The following CCDC171 variants were observed in gnomAD, a reference collection of about 807,000 sequenced individuals.
CCDC171 encodes the protein coiled-coil domain containing 171, also known as coiled-coil domain-containing protein 171.
Under a neutral mutation model 168.2 loss-of-function variants are expected in CCDC171, and 177 were observed. The observed-to-expected ratio is 1.05, with a 90% CI of 0.93 to 1.19. CCDC171 has a LOEUF of 1.19. CCDC171 is among the 50% of genes most tolerant of loss of function. CCDC171 has a pLI of 0.00. For synonymous variants in CCDC171, 687 were observed against 540.8 expected, an observed-to-expected ratio of 1.27 and a Z score of -3.75; for missense variants, 1,991 against 1,539.0, an observed-to-expected ratio of 1.29 and a Z score of -4.91.
chr9:15,581,064 A>G (rs900198558), intron 4 of CCDC171, among the ~76,000 whole-genome samples: 2 of 152,254 alleles, frequency 1.3e-5, no homozygotes, highest in African/African-American at 4.8e-5. Flanking sequence ...CCTTAAGCTG[A>G]TAAGCAACTT....
intron 25 of CCDC171, among the ~76,000 whole-genome samples, chr9:15,954,144 T>C (rs982478885): frequency 2.2e-5 from 3 of 138,436 alleles, no homozygotes; most frequent in Admixed American, 7.5e-5. Flanking sequence ...TTTCCTCTAC[T>C]TACTTTCTTT....
intron 18 of CCDC171, among the ~76,000 whole-genome samples, chr9:15,754,776 CTAAA>C (rs1351355113): frequency 6.6e-6 from 1 of 152,042 alleles, no homozygotes; most frequent in African/African-American, 2.4e-5. Flanking sequence ...ATTTAGAAGA[CTAAA>C]TGAATACATT....
At chr9:15,811,149 A>G (rs766011072) in intron 21 of CCDC171, among the ~76,000 whole-genome samples, 2 of 152,234 alleles carry the variant, frequency 1.3e-5, no homozygotes, top group South Asian at 4.1e-4. Flanking sequence ...CTTACCTGCA[A>G]TATTCTTCAT....
chr9:15,922,471 C>T (rs1393271072), intron 25 of CCDC171, among the ~76,000 whole-genome samples: 1 of 151,458 alleles, frequency 6.6e-6, no homozygotes, highest in Non-Finnish European at 1.5e-5. Context: ...GGAGGTATAT[C>T]CATTAGGAAT....
At chr9:16,077,864 C>G in the CCDC171 span, among the ~76,000 whole-genome samples, 1 of 152,134 alleles carries the variant, frequency 6.6e-6, no homozygotes, top group African/African-American at 2.4e-5. Flanking sequence ...AGAAGTGGAG[C>G]TGGTTTCAGT....
chr9:15,778,855 G>C (rs895963010), intron 19 of CCDC171, 113 bp from the exon 20 acceptor site: 1 of 708,396 alleles, frequency 1.4e-6, no homozygotes, highest in South Asian at 5.1e-5. Flanking sequence ...TTCTGTAATA[G>C]CTAGCACTGG....
rs566863736 is a variant in CCDC171 at position 16,008,009 on chromosome 9, C to A, written n.369-12580C>A. Reference sequence around the variant, plus strand: ...CCCTTATATATATGATTTGCAAATACCTTTTCCATTCTGTGGATTATCTTT... The same window carrying A: ...CCCTTATATATATGATTTGCAAATAACTTTTCCATTCTGTGGATTATCTTT... On this transcript the variant is annotated intron_variant and non_coding_transcript_variant, in intron 3 of 9. Coordinates refer to the CCDC171 transcript ENST00000486641. Among the ~76,000 whole-genome samples, 24 of 152,238 alleles carry A rather than the reference C, an allele frequency of 1.6e-4. 1 individual carries two copies. The highest frequency in any genetic ancestry group is 3.4e-3 in the Middle Eastern group (1 of 294).
At chr9:15,675,711 T>G (rs966170936) in intron 9 of CCDC171, among the ~76,000 whole-genome samples, 3 of 152,206 alleles carry the variant, frequency 2.0e-5, no homozygotes, top group Admixed American at 6.5e-5. Context: ...CTCACTCTCT[T>G]CTGGCTTGTA....
chr9:15,937,627 G>A (rs1270673582), intron 25 of CCDC171, among the ~76,000 whole-genome samples: 1 of 151,868 alleles, frequency 6.6e-6, no homozygotes, highest in African/African-American at 2.4e-5. Context: ...AAGCACACTG[G>A]GGAGTTGAAC....
chr9:15,840,529 T>A (rs2060634458), intron 21 of CCDC171, among the ~76,000 whole-genome samples: 1 of 152,130 alleles, frequency 6.6e-6, no homozygotes, highest in African/African-American at 2.4e-5. Flanking sequence ...CAAGAGAATG[T>A]AGAGGTCATA....
rs1241620824 is a variant in CCDC171, at chr9:15,727,641, G to A, written c.1693-228G>A. Among the ~76,000 whole-genome samples the A allele has an allele frequency of 2.0e-5, 3 of 152,038 alleles. No individual in the cohort carries two copies. The East Asian group carries it at 5.8e-4, about 29-fold the overall frequency. On this transcript the variant is annotated intron_variant, in intron 14 of 25. Transcript: ENST00000380701. ...GGTGGAGATGAATCTTGGTCTTCTGGCTTCCAGACTTCAGATTTCGATTTT... is the reference window on the plus strand; with the variant it reads ...GGTGGAGATGAATCTTGGTCTTCTGACTTCCAGACTTCAGATTTCGATTTT...
intron 23 of CCDC171, among the ~76,000 whole-genome samples, chr9:15,864,452 C>T (rs997266934): frequency 6.6e-6 from 1 of 151,996 alleles, no homozygotes. Context: ...AATGCTATCC[C>T]TCCCCCCGCT....
chr9:15,594,743 G>A (rs941092797), intron 6 of CCDC171, among the ~76,000 whole-genome samples: 5 of 152,072 alleles, frequency 3.3e-5, no homozygotes, highest in African/African-American at 1.2e-4. Context: ...AAGGCTGCAG[G>A]TCTCTGAATT....
At chr9:16,016,680 C>T (rs1178258265) in intron 3 of CCDC171, among the ~76,000 whole-genome samples, 7 of 152,124 alleles carry the variant, frequency 4.6e-5, no homozygotes, top group African/African-American at 1.2e-4. Context: ...TGTTGGATTT[C>T]CCTAATACGA....
intron 1 of CCDC171, among the ~76,000 whole-genome samples, chr9:15,554,565 G>T (rs1170444193): frequency 6.6e-6 from 1 of 152,140 alleles, no homozygotes; most frequent in Non-Finnish European, 1.5e-5. Context: ...TTATCTGTCA[G>T]ATAAGGAGGA....
At chr9:15,700,284 G>T (rs1211152844) in intron 11 of CCDC171, among the ~76,000 whole-genome samples, 2 of 152,250 alleles carry the variant, frequency 1.3e-5, no homozygotes, top group African/African-American at 4.8e-5. Flanking sequence ...GCTGGCCCGG[G>T]TGCTAAGCCC....
chr9:15,967,037 CTA>C (rs1310932628), intron 25 of CCDC171, among the ~76,000 whole-genome samples: 1 of 152,064 alleles, frequency 6.6e-6, no homozygotes, highest in Non-Finnish European at 1.5e-5. Flanking sequence ...CAAGAGAAAA[CTA>C]TGTGATTTTT....
chr9:15,827,420 G>A (rs1298864238), intron 21 of CCDC171, among the ~76,000 whole-genome samples: 1 of 152,022 alleles, frequency 6.6e-6, no homozygotes, highest in African/African-American at 2.4e-5. Context: ...CCTCTTTTCT[G>A]TACACATCTC....
intron 18 of CCDC171, 40 bp from the exon 19 acceptor site, chr9:15,777,560 C>A: frequency 8.2e-7 from 1 of 1,226,762 alleles, no homozygotes; most frequent in Non-Finnish European, 1.2e-6. Context: ...GCACAAGAGA[C>A]AATTCACATT....
Sources: allele counts gnomAD v4.1 joint callset (sites outside exome capture counted in the v4.1 genomes callset), GRCh38; gene constraint gnomAD v4.1.1; transcripts MANE v1.5; gene names NCBI Gene and HGNC (gene_info 2026-07-23, HGNC 2026-07-21).